The following TMC5 variants were observed in gnomAD, a reference collection of about 807,000 sequenced individuals.
The protein encoded by TMC5 is transmembrane channel like 5, also known as transmembrane channel-like protein 5.
A neutral mutation model predicts 110.5 loss-of-function variants in TMC5; 86 were observed. The observed-to-expected ratio is 0.78, with a 90% CI of 0.65 to 0.93. The LOEUF (loss-of-function observed/expected upper bound fraction) is 0.93. TMC5 is among the 40% of genes least tolerant of loss of function. TMC5 has a pLI of 0.00. For synonymous variants in TMC5, 455 were observed against 439.5 expected (o/e 1.04, Z -0.44); for missense variants, 1,144 against 1,222.8 (o/e 0.94, Z 0.96).
chr16:19,457,369 GGGTGACAGAGTAA>G (rs1466011084), intron 5 of TMC5, among the ~76,000 whole-genome samples: 1 of 152,162 alleles, frequency 6.6e-6, no homozygotes, highest in Admixed American at 6.6e-5. Flanking sequence ...AACCCAGCCT[GGGTGACAGAGTAA>G]GATCCTGTCT....
At chr16:19,413,523 CAAAAAAAAAAAAAAAAAAAA>C (rs869158130), upstream of TMC5, among the ~76,000 whole-genome samples, 21 of 52,980 alleles carry the variant, frequency 4.0e-4, no homozygotes, top group East Asian at 6.9e-4. Flanking sequence ...AACCCTGCCT[CAAAAAAAAAAAAAAAAAAAA>C]AAAAAAAAAA....
At chr16:19,428,809 T>C (rs1347609845) in intron 1 of TMC5, among the ~76,000 whole-genome samples, 3 of 151,964 alleles carry the variant, frequency 2.0e-5, no homozygotes, top group African/African-American at 7.2e-5. Flanking sequence ...TGTATTTATA[T>C]TTTCCTTTTT....
At chr16:19,460,186 G>A (rs1330293474) in intron 5 of TMC5, 49 bp from the exon 6 acceptor site, 15 of 1,447,880 alleles carry the variant, frequency 1.0e-5, no homozygotes, top group African/African-American at 4.2e-5. Context: ...TCAGTGTTAC[G>A]ATTCTGTTAA....
At chr16:19,448,512 A>G (rs1336465888) in intron 4 of TMC5, among the ~76,000 whole-genome samples, 1 of 151,546 alleles carries the variant, frequency 6.6e-6, no homozygotes, top group Non-Finnish European at 1.5e-5. Flanking sequence ...CCAGCTACTC[A>G]GGAGGCTGAG....
intron 20 of TMC5, among the ~76,000 whole-genome samples, chr16:19,496,790 T>G (rs544430755): frequency 6.8e-6 from 1 of 147,362 alleles, no homozygotes; most frequent in Admixed American, 7.0e-5. Context: ...CTCCAGAGGC[T>G]GAGGCGGGAA....
intron 13 of TMC5, among the ~76,000 whole-genome samples, 155 bp from the exon 14 acceptor site, chr16:19,479,276 T>G (rs1302601086): frequency 6.6e-6 from 1 of 151,246 alleles, no homozygotes; most frequent in Non-Finnish European, 1.5e-5. Context: ...CTCAGCTGCA[T>G]TTTTTCAGAG....
intron 5 of TMC5, among the ~76,000 whole-genome samples, chr16:19,453,385 T>C (rs1457316008): frequency 6.6e-6 from 1 of 151,882 alleles, no homozygotes; most frequent in Non-Finnish European, 1.5e-5. Flanking sequence ...GGTCAGGAGT[T>C]TGAGACCAGC....
At chr16:19,439,032 T>C (rs1409088050) in intron 2 of TMC5, among the ~76,000 whole-genome samples, 1 of 152,228 alleles carries the variant, frequency 6.6e-6, no homozygotes, top group Non-Finnish European at 1.5e-5. Flanking sequence ...TTTGCCTTAT[T>C]TGAACACAGT....
Position 19,487,282 on chromosome 16 carries a change from A to G in TMC5, c.2529A>G (p.Pro843=), listed in dbSNP as rs763320408. The change falls in exon 17 of 22, where the codon CCA becomes CCG. Residue 843 remains proline, a synonymous_variant. Coordinates refer to ENST00000542583, the MANE Select transcript of TMC5 (RefSeq NM_001261841.2). ...TCTTCATCTTCTTGCTCTTTTTCCCATCCTTCACCGGGGTCTTGTGCACCC... is the reference window on the plus strand; with the variant it reads ...TCTTCATCTTCTTGCTCTTTTTCCCGTCCTTCACCGGGGTCTTGTGCACCC... ...MTFFIFLLFF[P]SFTGVLCTLA... 1 of 1,613,982 alleles carries G rather than the reference A, an allele frequency of 6.2e-7. No individual in the cohort carries two copies. Among genetic ancestry groups the G allele is most frequent in the Non-Finnish European group, 8.5e-7 (1 of 1,179,968 alleles).
At chr16:19,470,311 C>T (rs1968305025) in intron 10 of TMC5, among the ~76,000 whole-genome samples, 1 of 152,102 alleles carries the variant, frequency 6.6e-6, no homozygotes, top group Non-Finnish European at 1.5e-5. Flanking sequence ...ACATCAGCCT[C>T]CCAAGTAGCT....
chr16:19,414,624 C>G (rs933007846), upstream of TMC5, among the ~76,000 whole-genome samples: 2 of 152,146 alleles, frequency 1.3e-5, no homozygotes, highest in East Asian at 3.9e-4. Context: ...GTATAAAACC[C>G]CAAAGAGACC....
chr16:19,451,749 A>T (rs950454743), intron 5 of TMC5, among the ~76,000 whole-genome samples: 4 of 152,086 alleles, frequency 2.6e-5, no homozygotes, highest in Admixed American at 6.6e-5. Flanking sequence ...CCAAGACTAT[A>T]TACCTCCTTC....
intron 12 of TMC5, among the ~76,000 whole-genome samples, chr16:19,476,705 T>G (rs757343901): frequency 6.6e-6 from 1 of 152,202 alleles, no homozygotes; most frequent in Non-Finnish European, 1.5e-5. Context: ...AATGTATCAG[T>G]CAGAATAAGT....
At chr16:19,455,609 A>G (rs1408164145) in intron 5 of TMC5, among the ~76,000 whole-genome samples, 4 of 152,116 alleles carry the variant, frequency 2.6e-5, no homozygotes, top group African/African-American at 7.2e-5. Context: ...GTCTGGAGGA[A>G]GACTGGTGAA....
intron 4 of TMC5, among the ~76,000 whole-genome samples, chr16:19,445,621 G>A (rs557778328): frequency 2.4e-4 from 37 of 152,134 alleles, no homozygotes; most frequent in African/African-American, 8.9e-4. Context: ...AAAAAATCCA[G>A]GCCATGTTAA....
At chr16:19,456,405 C>A in intron 5 of TMC5, 1 of 1,007,756 alleles carries the variant, frequency 9.9e-7, no homozygotes. Flanking sequence ...ATCCCATTGT[C>A]TTAAATGAAA....
At chr16:19,430,818 G>A (rs1378839894) in intron 2 of TMC5, among the ~76,000 whole-genome samples, 178 bp downstream of exon 2, 3 of 151,008 alleles carry the variant, frequency 2.0e-5, no homozygotes, top group Non-Finnish European at 4.4e-5. Context: ...ATTTTATTGG[G>A]ACTAATTTCT....
chr16:19,496,711 C>T (rs28420195), intron 20 of TMC5, among the ~76,000 whole-genome samples: 5,902 of 151,458 alleles, frequency 0.039, 403 homozygotes, highest in African/African-American at 0.14. Context: ...ATGGTGAAAC[C>T]CTGTCTCTAC....
At chr16:19,442,530 T>C (rs1402757837) in intron 3 of TMC5, among the ~76,000 whole-genome samples, 2 of 151,990 alleles carry the variant, frequency 1.3e-5, no homozygotes, top group African/African-American at 2.4e-5. Context: ...GGTTTCACCA[T>C]GTTGGCCAGG....
Sources: gnomAD v4.1 joint callset for allele counts (sites outside exome capture counted in the v4.1 genomes callset) on GRCh38, gnomAD v4.1.1 for gene constraint, MANE v1.5 for transcripts, NCBI Gene and HGNC (gene_info 2026-07-23, HGNC 2026-07-21) for gene names.